Variants in NOD2 observed in about 807,000 individuals in gnomAD.
NOD2 encodes the protein nucleotide-binding oligomerization domain-containing protein 2.
Under a neutral mutation model 90.9 loss-of-function variants are expected in NOD2, and 86 were observed. The ratio of observed to expected loss-of-function variants is 0.95; its 90% CI spans 0.79 to 1.13. The LOEUF is 1.13. Ranked by LOEUF, NOD2 falls within the 50% of genes most tolerant of loss-of-function variation. NOD2 has a pLI of 0.00. For missense variants in NOD2, 1,238 were observed against 1,283.8 expected (o/e 0.96, Z 0.55); for synonymous variants, 581 against 554.6 (o/e 1.05, Z -0.67).
rs377074507 is a variant in NOD2, at chr16:50,727,946, G to A, written c.2886-1872G>A. 2.0e-4 allele frequency: 51 copies of A among 256,534 alleles called. 1 individual carries two copies. The East Asian group carries it at 2.4e-3, about 12-fold the overall frequency. The allele number at this position is 256,534 out of a possible 1,614,324, so 15.9% of individuals were successfully genotyped here. The stretch of plus-strand genomic sequence containing the variant: ...GGGAAGTGCTTTGGAGCTTCTTCTC[G>A]GTCCAACCACTGAGCTAGTCATTGC... On this transcript the variant is annotated intron_variant, in intron 10 of 11. Coordinates refer to ENST00000647318, the MANE Select transcript of NOD2 (RefSeq NM_001370466.1).
intron 1 of NOD2, among the ~76,000 whole-genome samples, chr16:50,694,075 C>T (rs1051648901): frequency 3.3e-5 from 5 of 152,072 alleles, no homozygotes; most frequent in African/African-American, 1.2e-4. Context: ...CCAGACAGCC[C>T]ACACCAGGAC....
At chr16:50,699,078 C>A (rs187831680) in intron 1 of NOD2, among the ~76,000 whole-genome samples, 1 of 152,232 alleles carries the variant, frequency 6.6e-6, no homozygotes, top group African/African-American at 2.4e-5. Flanking sequence ...CAGGCGCTCG[C>A]CACCACGCCT....
intron 11 of NOD2, 116 bp downstream of exon 11, chr16:50,730,017 A>G: frequency 1.4e-6 from 1 of 722,314 alleles, no homozygotes; most frequent in South Asian, 1.5e-5. Context: ...TGATTCTGAC[A>G]TTCAGTGAGA....
chr16:50,698,929 C>CTTT (rs535158696), intron 1 of NOD2, among the ~76,000 whole-genome samples: 1 of 140,882 alleles, frequency 7.1e-6, no homozygotes, highest in Non-Finnish European at 1.6e-5. Flanking sequence ...CTCTCTCTGT[C>CTTT]TTTTTTTTTT....
chr16:50,712,621 T>C (rs1964592213), intron 4 of NOD2: 1 of 571,960 alleles, frequency 1.7e-6, no homozygotes, highest in Admixed American at 3.0e-5. Context: ...ATCTAATCTC[T>C]ACAACCACCC....
At chr16:50,708,486 A>C (rs770877374) in intron 3 of NOD2, among the ~76,000 whole-genome samples, 2 of 152,178 alleles carry the variant, frequency 1.3e-5, no homozygotes, top group Non-Finnish European at 2.9e-5. Flanking sequence ...GACAATGTCT[A>C]CCCTTTGCAA....
At chr16:50,728,650 T>A (rs1220676649) in intron 10 of NOD2, among the ~76,000 whole-genome samples, 1 of 152,226 alleles carries the variant, frequency 6.6e-6, no homozygotes. Context: ...ATACTGGCAA[T>A]TACAATTGGC....
chr16:50,694,878 C>T (rs138768201), intron 1 of NOD2, among the ~76,000 whole-genome samples: 11 of 152,176 alleles, frequency 7.2e-5, no homozygotes, highest in African/African-American at 2.4e-4. Flanking sequence ...TAGCAGGTGG[C>T]GGGAAGTACT....
Position 50,699,720 on chromosome 16 carries a change from G to C in NOD2, c.225G>C (p.Lys75Asn), listed in dbSNP as rs987387515. The change falls in exon 2 of 12, where the codon AAG becomes AAC. Residue 75 changes from lysine to asparagine, a missense_variant. Coordinates refer to ENST00000647318, the MANE Select transcript of NOD2 (RefSeq NM_001370466.1). ...VWNKGTWACQ[K>N]LIAAAQEAQA... ...ATAAGGGTACTTGGGCCTGTCAGAAGCTCATCGCGGCTGCCCAAGAAGCCC... is the reference window on the plus strand; with the variant it reads ...ATAAGGGTACTTGGGCCTGTCAGAACCTCATCGCGGCTGCCCAAGAAGCCC... The C allele has an allele frequency of 9.3e-6, 15 of 1,614,150 alleles. No individual in the cohort carries two copies. The highest frequency in any genetic ancestry group is 1.3e-5 in the Non-Finnish European group (15 of 1,180,034).
At chr16:50,694,376 C>T (rs1963546378) in intron 1 of NOD2, among the ~76,000 whole-genome samples, 1 of 152,184 alleles carries the variant, frequency 6.6e-6, no homozygotes, top group African/African-American at 2.4e-5. Flanking sequence ...CTCCCCTGAC[C>T]CCTTAGTGAA....
At chr16:50,721,681 C>T (rs945914511) in intron 7 of NOD2, among the ~76,000 whole-genome samples, 4 of 151,870 alleles carry the variant, frequency 2.6e-5, no homozygotes, top group South Asian at 2.1e-4. Flanking sequence ...TTTGTAGAGA[C>T]GGGGTCTCAC....
At chr16:50,719,801 T>A (rs1392823565) in intron 6 of NOD2, 124 bp from the exon 7 acceptor site, 1 of 844,642 alleles carries the variant, frequency 1.2e-6, no homozygotes, top group Non-Finnish European at 2.1e-6. Flanking sequence ...GCACCTGATG[T>A]GGCTGCTGCC....
In NOD2 at chr16:50,697,343, C is replaced by T. The variant is rs905909450; in HGVS notation, c.-8-2145C>T. On this transcript the variant is annotated intron_variant, in intron 1 of 11. Coordinates refer to ENST00000647318, the MANE Select transcript of NOD2 (RefSeq NM_001370466.1). Reference sequence around the variant, plus strand: ...TAAGAGGAGCAGGCATTGTCCCGTCCCAGCTTGATCCTCAGCCTTCTTTCA... The same window carrying T: ...TAAGAGGAGCAGGCATTGTCCCGTCTCAGCTTGATCCTCAGCCTTCTTTCA... 6 of 1,542,138 alleles carry T rather than the reference C, an allele frequency of 3.9e-6. No homozygotes were observed. The Admixed American group carries it at 7.8e-5, about 20-fold the overall frequency.
rs1420699481 is a variant in NOD2 at position 50,716,753 on chromosome 16, A to G, written c.2465+83A>G. ...CGTGCAGCCTGGGAAGCTGTGAGTGATGGGCTGGGGCAGGGGCTGTTTGCA... is the reference window on the plus strand; with the variant it reads ...CGTGCAGCCTGGGAAGCTGTGAGTGGTGGGCTGGGGCAGGGGCTGTTTGCA... On this transcript the variant is annotated intron_variant, in intron 5 of 11. Coordinates refer to ENST00000647318, the MANE Select transcript of NOD2 (RefSeq NM_001370466.1). 4.0e-6 allele frequency: 6 copies of G among 1,512,080 alleles called. No homozygotes were observed. The Admixed American group carries it at 8.4e-5, about 21-fold the overall frequency. The allele number at this position is 1,512,080 out of a possible 1,614,324, so 93.7% of individuals were successfully genotyped here.
chr16:50,699,149 C>T (rs577449843), intron 1 of NOD2, among the ~76,000 whole-genome samples: 4 of 152,174 alleles, frequency 2.6e-5, no homozygotes, highest in South Asian at 4.1e-4. Flanking sequence ...GCTGGTCTAG[C>T]GCTCCTGATC....
chr16:50,712,834 A>G (rs902487853), intron 4 of NOD2: 15 of 219,216 alleles, frequency 6.8e-5, no homozygotes, highest in Admixed American at 5.2e-4. Context: ...AGTTTTGTGT[A>G]GTATGTGTCC....
intron 2 of NOD2, among the ~76,000 whole-genome samples, chr16:50,703,553 C>T (rs572851453): frequency 4.1e-4 from 63 of 151,894 alleles, no homozygotes; most frequent in Non-Finnish European, 6.6e-4. Flanking sequence ...GCAGGAGAAT[C>T]GCTTGAACCC....
At chr16:50,723,634 A>G (rs567966305) in intron 9 of NOD2, among the ~76,000 whole-genome samples, 3 of 152,306 alleles carry the variant, frequency 2.0e-5, no homozygotes, top group Non-Finnish European at 2.9e-5. Flanking sequence ...TCCACATGGC[A>G]TAAGTGTTAA....
At chr16:50,719,701 T>G in intron 6 of NOD2, 2 of 669,274 alleles carry the variant, frequency 3.0e-6, no homozygotes, top group Non-Finnish European at 5.5e-6. Context: ...GTCACACTGC[T>G]GTGCAAACAG....
Sources: gnomAD v4.1 joint callset for allele counts (sites outside exome capture counted in the v4.1 genomes callset) on GRCh38, gnomAD v4.1.1 for gene constraint, MANE v1.5 for transcripts, NCBI Gene and HGNC (gene_info 2026-07-23, HGNC 2026-07-21) for gene names.